The following NEK11 variants were observed in gnomAD, a reference collection of about 807,000 sequenced individuals.
NEK11 encodes serine/threonine-protein kinase Nek11.
Under a neutral mutation model 80.7 loss-of-function variants are expected in NEK11, and 72 were observed. The observed-to-expected ratio is 0.89, with a 90% CI of 0.74 to 1.08. The LOEUF (loss-of-function observed/expected upper bound fraction) is 1.08, where lower values mean the gene tolerates loss of function less well. Ranked by LOEUF, NEK11 falls within the 50% of genes least tolerant of loss-of-function variation. The pLI, the probability that NEK11 is intolerant of heterozygous loss-of-function variation, is 0.00. For synonymous variants in NEK11, 251 were observed against 260.7 expected (o/e 0.96, Z 0.36); for missense variants, 764 against 763.6 (o/e 1.00, Z -0.01).
At chr3:131,310,428 A>G (rs1278974151) in intron 17 of NEK11, among the ~76,000 whole-genome samples, 2 of 152,196 alleles carry the variant, frequency 1.3e-5, no homozygotes, top group African/African-American at 4.8e-5. Flanking sequence ...TACAGGAGAT[A>G]CCTCATAGAC....
At chr3:131,120,523 C>G (rs929372234) in intron 5 of NEK11, among the ~76,000 whole-genome samples, 1 of 152,134 alleles carries the variant, frequency 6.6e-6, no homozygotes, top group Non-Finnish European at 1.5e-5. Flanking sequence ...GAATATTGGC[C>G]TGCCTTGCTA....
At chr3:131,214,695 A>ATGTGTGTGTGTGTG (rs57370577) in intron 14 of NEK11, among the ~76,000 whole-genome samples, 1 of 147,664 alleles carries the variant, frequency 6.8e-6, no homozygotes, top group East Asian at 2.0e-4. Context: ...ATGTGCGTGC[A>ATGTGTGTGTGTGTG]TGTGTGTGTG....
At chr3:131,236,374 T>A (rs2095431274) in intron 15 of NEK11, among the ~76,000 whole-genome samples, 1 of 152,160 alleles carries the variant, frequency 6.6e-6, no homozygotes, top group Admixed American at 6.6e-5. Flanking sequence ...GCCCTGCTTT[T>A]TTTTCGTCTC....
At chr3:131,096,348 A>G (rs2077427415) in intron 4 of NEK11, among the ~76,000 whole-genome samples, 1 of 152,116 alleles carries the variant, frequency 6.6e-6, no homozygotes, top group African/African-American at 2.4e-5. Context: ...GCTGTAGAGG[A>G]CATGATTTCA....
chr3:131,326,554 A>T (rs534045302), intron 17 of NEK11, among the ~76,000 whole-genome samples: 1 of 152,206 alleles, frequency 6.6e-6, no homozygotes, highest in Non-Finnish European at 1.5e-5. Flanking sequence ...TCAAGTTTCC[A>T]TTCAAATGAC....
At chr3:131,120,016 T>C (rs2082089589) in intron 5 of NEK11, among the ~76,000 whole-genome samples, 1 of 152,218 alleles carries the variant, frequency 6.6e-6, no homozygotes, top group Non-Finnish European at 1.5e-5. Flanking sequence ...TTTGATCCTG[T>C]CATTATGATG....
At chr3:131,087,046 A>G (rs1332627779) in intron 4 of NEK11, among the ~76,000 whole-genome samples, 1 of 152,082 alleles carries the variant, frequency 6.6e-6, no homozygotes, top group Non-Finnish European at 1.5e-5. Flanking sequence ...AAAAGTGACT[A>G]TCAGAGCTTT....
intron 17 of NEK11, among the ~76,000 whole-genome samples, chr3:131,305,361 G>A (rs960507620): frequency 6.6e-6 from 1 of 152,080 alleles, no homozygotes; most frequent in African/African-American, 2.4e-5. Context: ...GGGCCTCTGG[G>A]AAATATCCTG....
chr3:131,060,990 C>A (rs1413584258), intron 3 of NEK11, among the ~76,000 whole-genome samples: 1 of 151,974 alleles, frequency 6.6e-6, no homozygotes, highest in African/African-American at 2.4e-5. Flanking sequence ...ATTCCCAGTC[C>A]CCCATCCAGA....
chr3:131,186,216 A>C (rs1048182720), intron 14 of NEK11, among the ~76,000 whole-genome samples: 2 of 152,216 alleles, frequency 1.3e-5, no homozygotes, highest in Non-Finnish European at 2.9e-5. Flanking sequence ...CACCTTCACT[A>C]TATGAATTAA....
chr3:131,031,615 A>G (rs1286796784), intron 3 of NEK11, among the ~76,000 whole-genome samples: 1 of 152,194 alleles, frequency 6.6e-6, no homozygotes, highest in East Asian at 1.9e-4. Flanking sequence ...GTGAGTGGAG[A>G]GAGTGTGTTT....
intron 17 of NEK11, among the ~76,000 whole-genome samples, chr3:131,320,501 C>T (rs2096885958): frequency 6.6e-6 from 1 of 150,532 alleles, no homozygotes; most frequent in South Asian, 2.1e-4. Context: ...ATCTGTCCTC[C>T]AGAGATGGGG....
At chr3:131,170,997 G>T in intron 14 of NEK11, 110 bp downstream of exon 14, 1 of 801,414 alleles carries the variant, frequency 1.2e-6, no homozygotes. Context: ...CTGAGTGTGT[G>T]CAGCTATTAT....
rs1384676789 is a variant in NEK11, at chr3:131,109,867, AAAT to A, written c.406_408del (p.Ile136del). On this transcript the variant is annotated inframe_deletion, in exon 5 of 18. Transcript: ENST00000383366. ...GCTGGAAAAATCTTTCCAGAAAATC[AAAT>A]AATAGAATGGTTTATCCAGCTGCTG... is the stretch of plus-strand genomic sequence containing the variant. 2 of 1,604,386 alleles carry A rather than the reference AAAT, an allele frequency of 1.2e-6. No homozygotes were observed. The highest frequency in any genetic ancestry group is 1.7e-6 in the Non-Finnish European group (2 of 1,176,460).
At chr3:131,290,788 G>A (rs1037493708) in intron 17 of NEK11, among the ~76,000 whole-genome samples, 2 of 152,054 alleles carry the variant, frequency 1.3e-5, no homozygotes, top group African/African-American at 2.4e-5. Context: ...TTTTTAAAAG[G>A]TGTCTTTAGT....
intron 5 of NEK11, among the ~76,000 whole-genome samples, chr3:131,123,416 C>T (rs770064119): frequency 3.9e-5 from 6 of 152,138 alleles, no homozygotes; most frequent in Non-Finnish European, 8.8e-5. Flanking sequence ...CTGCCTGCCT[C>T]GGCCTCCCAA....
chr3:131,196,258 T>A (rs2094004696), intron 14 of NEK11, among the ~76,000 whole-genome samples: 1 of 152,066 alleles, frequency 6.6e-6, no homozygotes, highest in East Asian at 1.9e-4. Context: ...ATGCATTGTT[T>A]TATTTAGTGA....
At chr3:131,282,560 T>C (rs2108835454) in intron 17 of NEK11, among the ~76,000 whole-genome samples, 1 of 152,280 alleles carries the variant, frequency 6.6e-6, no homozygotes, top group South Asian at 2.1e-4. Context: ...AGTGCTGCCG[T>C]GAGGGCTGAA....
chr3:131,202,878 G>A (rs2094295198), intron 14 of NEK11, among the ~76,000 whole-genome samples: 2 of 152,314 alleles, frequency 1.3e-5, no homozygotes, highest in Non-Finnish European at 2.9e-5. Context: ...ACCACAATGA[G>A]ATACTATTTC....
Sources: gnomAD v4.1 joint callset for allele counts (sites outside exome capture counted in the v4.1 genomes callset) on GRCh38, gnomAD v4.1.1 for gene constraint, MANE v1.5 for transcripts, NCBI Gene and HGNC (gene_info 2026-07-23, HGNC 2026-07-21) for gene names.